DPP6: variants seen among roughly 807,000 people sequenced by gnomAD.
The protein encoded by DPP6 is A-type potassium channel modulatory protein DPP6.
In DPP6, 69 loss-of-function variants were observed where a neutral mutation model predicts 122.6. That is an observed-to-expected ratio of 0.56 (90% CI 0.46 to 0.69). The LOEUF (loss-of-function observed/expected upper bound fraction) is 0.69. Ranked by LOEUF, DPP6 falls within the 30% of genes least tolerant of loss-of-function variation. The probability of loss-of-function intolerance (pLI) is 0.00; values close to 1 mark genes in which losing one functional copy is unlikely to be tolerated. For missense variants in DPP6, 928 were observed against 1,116.9 expected, an observed-to-expected ratio of 0.83 and a Z score of 2.41; for synonymous variants, 418 against 433.1, an observed-to-expected ratio of 0.97 and a Z score of 0.43.
intron 3 of DPP6, among the ~76,000 whole-genome samples, chr7:154,533,103 C>T (rs1031305135): frequency 6.6e-6 from 1 of 152,172 alleles, no homozygotes; most frequent in African/African-American, 2.4e-5. Flanking sequence ...TATACTTCTC[C>T]ATAAATGTCC....
intron 1 of DPP6, among the ~76,000 whole-genome samples, chr7:153,978,723 T>A (rs1470000293): frequency 2.0e-5 from 3 of 152,240 alleles, no homozygotes; most frequent in Non-Finnish European, 1.5e-5. Flanking sequence ...TTAATTTTTG[T>A]ATAAAGTGTA....
chr7:154,324,963 C>T (rs752820824), intron 1 of DPP6, among the ~76,000 whole-genome samples: 10 of 144,250 alleles, frequency 6.9e-5, no homozygotes, highest in African/African-American at 2.3e-4. Context: ...TGGGTTGAAG[C>T]GGTTCTCCTG....
At chr7:154,279,022 G>A (rs185879130) in intron 1 of DPP6, among the ~76,000 whole-genome samples, 1 of 151,366 alleles carries the variant, frequency 6.6e-6, no homozygotes, top group East Asian at 1.9e-4. Context: ...TGTGCTTGTT[G>A]TGTGGTATGT....
chr7:154,631,950 A>G (rs962799459), intron 5 of DPP6, among the ~76,000 whole-genome samples: 6 of 152,118 alleles, frequency 3.9e-5, no homozygotes, highest in African/African-American at 1.4e-4. Context: ...GCAGTGAACA[A>G]TTTGCAAATT....
rs773615042 is a variant in DPP6, at chr7:154,885,640, G to A, written c.2141G>A (p.Gly714Asp). ...TRVAVFGKDY[G>D]GYLSTYILPA... ...TCTCTGCGCTTTCTCCAGGATTACG[G>A]TGGCTACCTGAGCACCTACATCCTC... Residue 714 changes from glycine (G) to aspartate (D), a missense_variant, in exon 22 of 26, where the codon GGT (glycine) becomes GAT (aspartate). Gly to Asp is a moderately conservative substitution (Grantham distance 94). Coordinates refer to ENST00000377770, the MANE Select transcript of DPP6 (RefSeq NM_130797.4). 1 of 1,573,934 alleles carries A rather than the reference G, an allele frequency of 6.4e-7. No individual in the cohort carries two copies. The highest frequency in any genetic ancestry group is 1.9e-5 in the Admixed American group (1 of 53,824).
intron 2 of DPP6, among the ~76,000 whole-genome samples, chr7:154,474,033 G>A (rs1410357817): frequency 6.6e-6 from 1 of 152,208 alleles, no homozygotes; most frequent in Non-Finnish European, 1.5e-5. Flanking sequence ...TCCATCAGAT[G>A]TGGTCAAGTC....
At chr7:153,814,853 G>A in the DPP6 span, among the ~76,000 whole-genome samples, 108,278 of 150,216 alleles carry the variant, frequency 0.72, 39,903 homozygotes, top group African/African-American at 0.88. Flanking sequence ...ACCAAAGACA[G>A]AAACCACATG....
intron 1 of DPP6, among the ~76,000 whole-genome samples, chr7:154,371,376 C>G (rs1424090867): frequency 1.2e-4 from 2 of 17,368 alleles, no homozygotes; most frequent in African/African-American, 4.0e-4. Context: ...GAAACTCTGT[C>G]TCAAAAAAAA....
intron 1 of DPP6, among the ~76,000 whole-genome samples, chr7:154,378,485 G>A (rs866753391): frequency 1.2e-4 from 18 of 152,208 alleles, no homozygotes; most frequent in African/African-American, 4.1e-4. Context: ...AATTCTGGTG[G>A]ATGGGAAGTT....
the DPP6 span, among the ~76,000 whole-genome samples, chr7:153,795,251 C>T: frequency 6.6e-6 from 1 of 152,174 alleles, no homozygotes; most frequent in South Asian, 2.1e-4. Context: ...CCCGTCTCTA[C>T]TAAAATACGA....
In DPP6 at chr7:154,853,767, C is replaced by T. The variant is rs1249059696; in HGVS notation, c.1667-13C>T. 2 of 1,611,954 alleles carry T rather than the reference C, an allele frequency of 1.2e-6. No homozygotes were observed. Among genetic ancestry groups the T allele is most frequent in the Non-Finnish European group, 1.7e-6 (2 of 1,179,174 alleles). On this transcript the variant is annotated splice_polypyrimidine_tract_variant and intron_variant, in intron 16 of 25. Transcript: ENST00000377770. ...TTTTTGTTTTCTTCCTGGCTATTCT[C>T]TACCCAACACAGGTCCTGGTGTTCC...
intron 3 of DPP6, among the ~76,000 whole-genome samples, chr7:154,492,274 T>A (rs538111198): frequency 6.6e-6 from 1 of 152,328 alleles, no homozygotes; most frequent in East Asian, 1.9e-4. Context: ...AGTGAATGCA[T>A]GCAGACGCAC....
At chr7:154,595,184 A>C (rs921115573) in intron 5 of DPP6, among the ~76,000 whole-genome samples, 2 of 151,816 alleles carry the variant, frequency 1.3e-5, no homozygotes, top group African/African-American at 4.8e-5. Flanking sequence ...CGTCCTCTCC[A>C]TCTTCCCCTT....
chr7:154,346,479 G>C (rs535297869), intron 1 of DPP6, among the ~76,000 whole-genome samples: 2 of 152,176 alleles, frequency 1.3e-5, no homozygotes, highest in East Asian at 3.9e-4. Flanking sequence ...TCTAATTTTT[G>C]TATTTTTATT....
chr7:154,449,842 C>T (rs760087146), intron 2 of DPP6, among the ~76,000 whole-genome samples: 6 of 151,322 alleles, frequency 4.0e-5, no homozygotes, highest in Non-Finnish European at 7.4e-5. Context: ...CCCATCTCTA[C>T]TAAAAATAAA....
chr7:154,575,911 G>T (rs1044883599), intron 5 of DPP6, among the ~76,000 whole-genome samples: 14 of 152,044 alleles, frequency 9.2e-5, no homozygotes, highest in Admixed American at 5.9e-4. Context: ...TTTCAGGATC[G>T]ATTCTTTCGT....
chr7:154,353,641 C>T (rs1437975205), intron 1 of DPP6, among the ~76,000 whole-genome samples: 1 of 152,080 alleles, frequency 6.6e-6, no homozygotes, highest in Non-Finnish European at 1.5e-5. Flanking sequence ...AGACATCTAG[C>T]CTATTAAACT....
chr7:154,133,707 C>G (rs559808724), intron 1 of DPP6, among the ~76,000 whole-genome samples: 5 of 151,998 alleles, frequency 3.3e-5, no homozygotes, highest in African/African-American at 9.7e-5. Context: ...GGCAGCAGTT[C>G]CCCACTGTAT....
At chr7:154,688,822 A>C (rs1839776468) in intron 7 of DPP6, among the ~76,000 whole-genome samples, 1 of 152,166 alleles carries the variant, frequency 6.6e-6, no homozygotes, top group African/African-American at 2.4e-5. Context: ...CTCTTTTGGC[A>C]ACACCCACAC....
Sources: allele counts gnomAD v4.1 joint callset (sites outside exome capture counted in the v4.1 genomes callset), GRCh38; gene constraint gnomAD v4.1.1; transcripts MANE v1.5; gene names NCBI Gene and HGNC (gene_info 2026-07-23, HGNC 2026-07-21).